CCSER2: variants seen among roughly 807,000 people sequenced by gnomAD.
CCSER2 encodes the protein coiled-coil serine rich protein 2.
In CCSER2, 46 loss-of-function variants were observed where a neutral mutation model predicts 92.3. The ratio of observed to expected loss-of-function variants is 0.50; its 90% CI spans 0.39 to 0.64. The LOEUF is 0.64. CCSER2 is among the 30% of genes least tolerant of loss of function. CCSER2 has a pLI of 0.00. For synonymous variants in CCSER2, 433 were observed against 431.4 expected (o/e 1.00, Z -0.04); for missense variants, 1,244 against 1,238.9 (o/e 1.00, Z -0.06).
chr10:84,447,280 G>A (rs1426184649), intron 6 of CCSER2, among the ~76,000 whole-genome samples: 1 of 152,108 alleles, frequency 6.6e-6, no homozygotes, highest in African/African-American at 2.4e-5. Context: ...TTACGAATTT[G>A]TGTCATATGG....
chr10:84,499,925 G>A (rs1440068109), intron 9 of CCSER2: 1 of 1,613,704 alleles, frequency 6.2e-7, no homozygotes, highest in Admixed American at 1.7e-5. Context: ...CCTTCCAGGG[G>A]ATCCCACGGA....
chr10:84,363,107 A>C (rs1845595744), intron 1 of CCSER2, among the ~76,000 whole-genome samples: 1 of 148,654 alleles, frequency 6.7e-6, no homozygotes. Flanking sequence ...TTGGCCTCCC[A>C]AAGTGCTGGG....
chr10:84,438,617 G>C lies in CCSER2; in HGVS notation c.1974G>C (p.Val658=). The C allele has an allele frequency of 6.2e-7, 1 of 1,612,810 alleles. No homozygotes were observed. The highest frequency in any genetic ancestry group is 1.1e-5 in the South Asian group (1 of 91,050). Residue 658 remains valine, a synonymous_variant, in exon 6 of 10, where the codon GTG becomes GTC. Coordinates refer to ENST00000372088, the MANE Select transcript of CCSER2 (RefSeq NM_001284240.2). ...KMFVDVPENT[V]ILDEMTLRHM... ...TTGTTGATGTACCAGAAAATACAGTGATACTGGATGAGATGACCCTTCGGC... is the reference window on the plus strand; with the variant it reads ...TTGTTGATGTACCAGAAAATACAGTCATACTGGATGAGATGACCCTTCGGC...
In CCSER2 at chr10:84,513,663, TAA is replaced by T; in HGVS notation, c.2541_2542del (p.Leu847PhefsTer6). On this transcript the variant is annotated frameshift_variant, in exon 10 of 10. Coordinates refer to ENST00000372088, the MANE Select transcript of CCSER2 (RefSeq NM_001284240.2). LOFTEE classifies it high-confidence loss of function. ...CAGCCTTTTTCATCAGGCCCACAATTAACAATGGATGTGGCTAAGAGTACACC... is the reference window on the plus strand; with the variant it reads ...CAGCCTTTTTCATCAGGCCCACAATTCAATGGATGTGGCTAAGAGTACACC... The T allele has an allele frequency of 6.4e-7, 1 of 1,567,080 alleles. No homozygotes were observed. The highest frequency in any genetic ancestry group is 8.6e-7 in the Non-Finnish European group (1 of 1,159,168).
At chr10:84,399,592 A>G (rs1466170799) in intron 3 of CCSER2, among the ~76,000 whole-genome samples, 2 of 152,076 alleles carry the variant, frequency 1.3e-5, no homozygotes, top group East Asian at 3.8e-4. Context: ...AGATAATGGC[A>G]TTTTTTTAAA....
intron 9 of CCSER2, among the ~76,000 whole-genome samples, chr10:84,501,579 C>T (rs1848721970): frequency 6.6e-6 from 1 of 151,512 alleles, no homozygotes; most frequent in African/African-American, 2.4e-5. Flanking sequence ...TTAGAATTTT[C>T]TTGTCTTTTC....
chr10:84,455,999 C>G, intron 6 of CCSER2: 1 of 555,274 alleles, frequency 1.8e-6, no homozygotes. Flanking sequence ...TCCTAGTAGC[C>G]TTCTCCAGCA....
At chr10:84,381,534 C>G (rs1349309000) in intron 3 of CCSER2, among the ~76,000 whole-genome samples, 1 of 152,180 alleles carries the variant, frequency 6.6e-6, no homozygotes, top group African/African-American at 2.4e-5. Flanking sequence ...TGCTGACTAC[C>G]TGCTTTCCTT....
At chr10:84,383,248 TTACTTC>T (rs1841010001) in intron 3 of CCSER2, among the ~76,000 whole-genome samples, 2 of 152,200 alleles carry the variant, frequency 1.3e-5, no homozygotes, top group African/African-American at 4.8e-5. Context: ...CTGTGACATT[TTACTTC>T]GCTTGGGTTA....
chr10:84,411,277 G>C (rs192220284), intron 3 of CCSER2, among the ~76,000 whole-genome samples: 1 of 152,168 alleles, frequency 6.6e-6, no homozygotes, highest in Admixed American at 6.5e-5. Flanking sequence ...TGTCTTGGCT[G>C]TTTGGGCTCT....
At chr10:84,356,689 G>A (rs1203924861) in intron 1 of CCSER2, among the ~76,000 whole-genome samples, 1 of 152,120 alleles carries the variant, frequency 6.6e-6, no homozygotes, top group East Asian at 1.9e-4. Context: ...ATTAGGGTTA[G>A]TAACCCAATA....
Position 84,371,883 on chromosome 10 carries a change from A to G in CCSER2, c.831A>G (p.Pro277=). The G allele has an allele frequency of 1.9e-6, 3 of 1,613,956 alleles. No individual in the cohort carries two copies. Among genetic ancestry groups the G allele is most frequent in the Non-Finnish European group, 2.5e-6 (3 of 1,179,856 alleles). Residue 277 remains proline (P), a synonymous_variant, in exon 2 of 10, where the codon CCA becomes CCG. Coordinates refer to ENST00000372088, the MANE Select transcript of CCSER2 (RefSeq NM_001284240.2). Reference sequence around the variant, plus strand: ...TGCTAACAAGAAATTCCCGGCAGCCAGAAGTACTCAATGGGAATGAACATT... The same window carrying G: ...TGCTAACAAGAAATTCCCGGCAGCCGGAAGTACTCAATGGGAATGAACATT... ...SSMLTRNSRQ[P]EVLNGNEHLG... is the part of the protein sequence containing the mutation.
intron 1 of CCSER2, among the ~76,000 whole-genome samples, chr10:84,369,824 G>A (rs1163818424): frequency 1.3e-5 from 2 of 152,058 alleles, no homozygotes; most frequent in East Asian, 3.8e-4. Flanking sequence ...GTTGATTTTT[G>A]TATATGGTAA....
chr10:84,423,202 A>G (rs920809289), intron 4 of CCSER2, among the ~76,000 whole-genome samples: 1 of 152,334 alleles, frequency 6.6e-6, no homozygotes, highest in Non-Finnish European at 1.5e-5. Context: ...GTTATTCCAC[A>G]TTATCTTCTT....
At chr10:84,375,592 A>G (rs61865027) in intron 3 of CCSER2, among the ~76,000 whole-genome samples, 18,614 of 129,910 alleles carry the variant, frequency 0.14, 1,447 homozygotes, top group Admixed American at 0.25. Flanking sequence ...GATCTTCTCT[A>G]TCTCTAACTA....
intron 3 of CCSER2, among the ~76,000 whole-genome samples, chr10:84,381,936 AAG>A (rs1840933982): frequency 6.7e-6 from 1 of 148,568 alleles, no homozygotes; most frequent in Non-Finnish European, 1.5e-5. Flanking sequence ...AAAAAAAAAA[AAG>A]AACATCCGTC....
intron 1 of CCSER2, among the ~76,000 whole-genome samples, chr10:84,364,907 A>G (rs1046485588): frequency 2.6e-5 from 4 of 151,790 alleles, no homozygotes; most frequent in Admixed American, 2.0e-4. Flanking sequence ...ATGCCTGGCT[A>G]ATTTTTGTAT....
At chr10:84,497,490 G>A (rs1462845433) in intron 9 of CCSER2, among the ~76,000 whole-genome samples, 2 of 152,150 alleles carry the variant, frequency 1.3e-5, no homozygotes, top group Admixed American at 6.5e-5. Flanking sequence ...ATGATTTGTT[G>A]GTCTTGGGGA....
chr10:84,353,984 G>A (rs753601291), intron 1 of CCSER2, among the ~76,000 whole-genome samples: 3 of 152,088 alleles, frequency 2.0e-5, no homozygotes, highest in African/African-American at 4.8e-5. Context: ...GATTACTTGA[G>A]CTCTGGAGTT....
Sources: allele counts gnomAD v4.1 joint callset (sites outside exome capture counted in the v4.1 genomes callset), GRCh38; gene constraint gnomAD v4.1.1; transcripts MANE v1.5; gene names NCBI Gene and HGNC (gene_info 2026-07-23, HGNC 2026-07-21).